Variants in REPS2 observed in about 807,000 individuals in gnomAD.
The protein encoded by REPS2 is ralBP1-associated Eps domain-containing protein 2.
In REPS2, 23 loss-of-function variants were observed where a neutral mutation model predicts 53.6. That is an observed-to-expected ratio of 0.43 (90% CI 0.31 to 0.61). The LOEUF (loss-of-function observed/expected upper bound fraction) is 0.61. REPS2 is among the 20% of genes least tolerant of loss of function. The pLI is 0.11. For synonymous variants in REPS2, 238 were observed against 218.6 expected (o/e 1.09, Z -0.78); for missense variants, 446 against 534.9 (o/e 0.83, Z 1.64).
intron 13 of REPS2, among the ~76,000 whole-genome samples, chrX:17,096,532 C>T (rs1364196209): frequency 4.0e-5 from 4 of 100,814 alleles, no homozygotes; most frequent in South Asian, 4.8e-4. Flanking sequence ...TAGTGGCGGG[C>T]GCCTGTCGTC....
intron 13 of REPS2, among the ~76,000 whole-genome samples, chrX:17,078,749 G>A (rs1602946644): frequency 8.9e-6 from 1 of 112,599 alleles, no homozygotes; most frequent in African/African-American, 3.2e-5. Flanking sequence ...ACCCAGTAAG[G>A]AGATGCCAGC....
At chrX:17,119,093 A>G (rs1357169730) in intron 14 of REPS2, among the ~76,000 whole-genome samples, 7 of 112,236 alleles carry the variant, frequency 6.2e-5, no homozygotes, top group East Asian at 2.8e-4. Flanking sequence ...AACCACGTGC[A>G]GTGGGTTCTA....
At chrX:17,127,173 G>A (rs2063223926) in intron 14 of REPS2, among the ~76,000 whole-genome samples, 2 of 111,924 alleles carry the variant, frequency 1.8e-5, no homozygotes, top group Admixed American at 1.9e-4. Context: ...AGTCTGGGTA[G>A]CTCTTAAGTC....
chrX:16,956,671 T>G (rs951247706), intron 1 of REPS2, among the ~76,000 whole-genome samples: 3 of 111,895 alleles, frequency 2.7e-5, no homozygotes, highest in African/African-American at 9.8e-5. Flanking sequence ...CTCTGAGACC[T>G]CACCAGGGAC....
rs770809221 is a variant in REPS2, at chrX:16,990,612, GA to G, written c.274-15596del. ...GCAACAGAGCAAGACTCTGTCTTAG[GA>G]AAAAAAAAAAAAGGCATCATGGGTC... On this transcript the variant is annotated intron_variant, in intron 1 of 17. Transcript: ENST00000357277. Among the ~76,000 whole-genome samples the G allele has an allele frequency of 7.9e-3, 688 of 87,083 alleles. 9 individuals are homozygous for G. Among genetic ancestry groups the G allele is most frequent in the African/African-American group, 0.025 (590 of 23,812 alleles). The allele number at this position is 87,083 out of a possible 115,157, so 75.6% of individuals were successfully genotyped here. A position where few individuals can be genotyped will look rare whatever the true frequency, so the allele number is the denominator to read the frequency against.
At position 17,062,499 on chromosome X, in the gene REPS2, A is replaced by G. The variant is rs140845025; in HGVS notation, c.1176A>G (p.Ala392=). The change falls in exon 9 of 18, where the codon GCA becomes GCG. Residue 392 remains alanine (A), a synonymous_variant. Coordinates refer to ENST00000357277, the MANE Select transcript of REPS2 (RefSeq NM_004726.3). ...ATTCTTATTCTGAGTCACTGCCGGC[A>G]AATCAACAACCTCGTGACTTGAATC... ...LFDSYSESLP[A]NQQPRDLNRM... is the part of the protein sequence containing the mutation. 8.3e-6 allele frequency: 10 copies of G among 1,204,326 alleles called. No homozygotes were observed. The African/African-American group carries it at 1.8e-4, about 21-fold the overall frequency.
chrX:17,107,940 C>T (rs1046809772), intron 14 of REPS2, among the ~76,000 whole-genome samples: 1 of 111,043 alleles, frequency 9.0e-6, no homozygotes, highest in South Asian at 3.8e-4. Flanking sequence ...TTTCTTAAGA[C>T]GGTCTCGCTG....
At chrX:17,013,773 CT>C (rs950828124) in intron 2 of REPS2, among the ~76,000 whole-genome samples, 4 of 110,571 alleles carry the variant, frequency 3.6e-5, no homozygotes, top group South Asian at 3.9e-4. Flanking sequence ...TCCCCCTTTC[CT>C]TTTTTTTCCT....
chrX:16,946,720 G>C lies in REPS2; in HGVS notation c.-142G>C. 1 of 649,573 alleles carries C rather than the reference G, an allele frequency of 1.5e-6. No homozygotes were observed. The highest frequency in any genetic ancestry group is 1.8e-6 in the Non-Finnish European group (1 of 548,322). The allele number at this position is 649,573 out of a possible 1,213,427, so 53.5% of individuals were successfully genotyped here. The stretch of plus-strand genomic sequence containing the variant: ...GAGGAAGCGGCCGCGCGGCAGCTGC[G>C]GGGCGTGGGGGTGGTGGTGGCGGCG... On this transcript the variant is annotated 5_prime_UTR_variant, in exon 1 of 18. Transcript: ENST00000357277.
At chrX:17,022,038 A>C in intron 2 of REPS2, 85 bp from the exon 3 acceptor site, 60 of 672,775 alleles carry the variant, frequency 8.9e-5, no homozygotes, top group Non-Finnish European at 1.2e-4. Flanking sequence ...CTCAAAAATG[A>C]TTCATCGTTT....
chrX:17,074,418 C>T, intron 12 of REPS2: 1 of 286,008 alleles, frequency 3.5e-6, no homozygotes, highest in Non-Finnish European at 6.1e-6. Flanking sequence ...TGTGAGACAA[C>T]CCAGTTGTTG....
intron 1 of REPS2, among the ~76,000 whole-genome samples, chrX:16,989,429 T>C (rs1168996740): frequency 2.7e-5 from 3 of 111,524 alleles, no homozygotes. Flanking sequence ...CATAAAAGAA[T>C]TGATAAATTG....
Position 16,946,983 on chromosome X carries a change from T to C in REPS2, c.122T>C (p.Leu41Pro). Residue 41 changes from leucine to proline, a missense_variant, in exon 1 of 18, where the codon CTC (leucine) becomes CCC (proline). Leu to Pro is a moderately conservative substitution (Grantham distance 98). Transcript: ENST00000357277. ...GGCGAGCAGCAGTGCTACTCCGAGC[T>C]CTTCGCGCGCTGTGCCGGCGCCGCG... ...SEGEQQCYSE[L>P]FARCAGAAGG... 1 of 925,067 alleles carries C rather than the reference T, an allele frequency of 1.1e-6. No individual in the cohort carries two copies. The highest frequency in any genetic ancestry group is 1.3e-6 in the Non-Finnish European group (1 of 749,540). The allele number at this position is 925,067 out of a possible 1,213,427, so 76.2% of individuals were successfully genotyped here. A position where few individuals can be genotyped will look rare whatever the true frequency, so the allele number is the denominator to read the frequency against.
chrX:16,987,051 G>A (rs1221728733), intron 1 of REPS2, among the ~76,000 whole-genome samples: 3 of 108,738 alleles, frequency 2.8e-5, no homozygotes, highest in Non-Finnish European at 5.7e-5. Context: ...CTGGAACTAC[G>A]GGGACAAGCC....
chrX:17,087,524 A>G (rs1167420040), intron 13 of REPS2, among the ~76,000 whole-genome samples: 1 of 112,454 alleles, frequency 8.9e-6, no homozygotes, highest in Non-Finnish European at 1.9e-5. Context: ...GTTAAGCCAG[A>G]TTGCAAAAGA....
chrX:17,001,564 A>G (rs1393172792), intron 1 of REPS2, among the ~76,000 whole-genome samples: 1 of 112,574 alleles, frequency 8.9e-6, no homozygotes, highest in Non-Finnish European at 1.9e-5. Context: ...GGAAAATGAG[A>G]TAAAAATGCA....
At chrX:17,178,882 C>T in the REPS2 span, among the ~76,000 whole-genome samples, 2 of 103,598 alleles carry the variant, frequency 1.9e-5, no homozygotes, top group Non-Finnish European at 3.9e-5. Context: ...GAGCGAGACT[C>T]GGTCTCAAAA....
At chrX:17,161,152 T>C in the REPS2 span, among the ~76,000 whole-genome samples, 851 of 111,060 alleles carry the variant, frequency 7.7e-3, 10 homozygotes, top group African/African-American at 0.027. Context: ...GCATATGGAA[T>C]AGATGGGAAT....
At chrX:16,978,057 A>G (rs55903027) in intron 1 of REPS2, among the ~76,000 whole-genome samples, 9,122 of 111,186 alleles carry the variant, frequency 0.082, 380 homozygotes, top group Non-Finnish European at 0.13. Flanking sequence ...CTGGGTAGTT[A>G]CTCTTCTTAC....
Sources: gnomAD v4.1 joint callset for allele counts (sites outside exome capture counted in the v4.1 genomes callset) on GRCh38, gnomAD v4.1.1 for gene constraint, MANE v1.5 for transcripts, NCBI Gene and HGNC (gene_info 2026-07-23, HGNC 2026-07-21) for gene names.